The following PAGE2B variants were observed in gnomAD, a reference collection of about 807,000 sequenced individuals.
PAGE2B encodes the protein putative G antigen family E member 3.
A neutral mutation model predicts 7.6 loss-of-function variants in PAGE2B; 5 were observed. The ratio of observed to expected loss-of-function variants is 0.66; its 90% CI spans 0.34 to 1.38. The LOEUF is 1.38. Ranked by LOEUF, PAGE2B falls within the 40% of genes most tolerant of loss-of-function variation. The pLI is 0.04. For missense variants in PAGE2B, 70 were observed against 78.4 expected, an observed-to-expected ratio of 0.89 and a Z score of 0.41; for synonymous variants, 29 against 26.7, an observed-to-expected ratio of 1.09 and a Z score of -0.27.
the PAGE2B span, among the ~76,000 whole-genome samples, chrX:55,063,897 G>T: frequency 1.1e-4 from 12 of 110,657 alleles, no homozygotes; most frequent in African/African-American, 3.3e-4. Context: ...GCATCCCTGG[G>T]TTAAATCCCA....
the PAGE2B span, among the ~76,000 whole-genome samples, chrX:55,065,172 T>G: frequency 8.9e-6 from 1 of 111,749 alleles, no homozygotes; most frequent in African/African-American, 3.2e-5. Context: ...TATTATTGTA[T>G]TGTGGTCTAT....
the PAGE2B span, among the ~76,000 whole-genome samples, chrX:55,049,810 A>G: frequency 9.0e-6 from 1 of 110,968 alleles, no homozygotes; most frequent in Non-Finnish European, 1.9e-5. Context: ...TATCTCCTTC[A>G]GTTCTGCTCT....
At chrX:55,075,871 C>G (rs1242131231) in intron 1 of PAGE2B, among the ~76,000 whole-genome samples, 163 bp from the exon 2 acceptor site, 1 of 111,490 alleles carries the variant, frequency 9.0e-6, no homozygotes, top group East Asian at 2.8e-4. Flanking sequence ...CAAATCTGTC[C>G]TTAGTTTGAT....
the PAGE2B span, among the ~76,000 whole-genome samples, chrX:55,069,836 G>A: frequency 2.7e-5 from 3 of 111,915 alleles, no homozygotes; most frequent in South Asian, 7.4e-4. Flanking sequence ...GCGTAGAGGT[G>A]TTTATAGTAT....
chrX:55,072,867 A>AG (rs1440791991), upstream of PAGE2B, among the ~76,000 whole-genome samples: 7 of 111,861 alleles, frequency 6.3e-5, no homozygotes, highest in Non-Finnish European at 1.3e-4. Flanking sequence ...TAACACTGTC[A>AG]GGGGAAAACC....
chrX:55,066,086 C>T, the PAGE2B span, among the ~76,000 whole-genome samples: 7,729 of 110,752 alleles, frequency 0.07, 621 homozygotes, highest in African/African-American at 0.23. Flanking sequence ...CTTTCTTTCT[C>T]TTCTTTTTTC....
chrX:55,051,401 T>A, the PAGE2B span, among the ~76,000 whole-genome samples: 9 of 111,940 alleles, frequency 8.0e-5, no homozygotes, highest in Non-Finnish European at 1.5e-4. Context: ...TCCTGCAGAG[T>A]GTTTTCCAAG....
At chrX:55,055,412 T>A in the PAGE2B span, 1 of 110,589 alleles carries the variant, frequency 9.0e-6, no homozygotes, top group African/African-American at 3.3e-5. Flanking sequence ...ACATTTAATT[T>A]TCTTATGATT....
chrX:55,071,769 A>G (rs774455534), upstream of PAGE2B, among the ~76,000 whole-genome samples: 2 of 110,356 alleles, frequency 1.8e-5, no homozygotes, highest in East Asian at 5.7e-4. Context: ...TTTTTCTCTA[A>G]CCTTGTTTTC....
upstream of PAGE2B, among the ~76,000 whole-genome samples, chrX:55,073,493 T>C (rs1936470002): frequency 1.8e-5 from 2 of 111,505 alleles, no homozygotes; most frequent in South Asian, 7.6e-4. Flanking sequence ...CCAAAGCTTT[T>C]CCTATTACGC....
At chrX:55,033,403 C>T in the PAGE2B span, among the ~76,000 whole-genome samples, 1 of 110,838 alleles carries the variant, frequency 9.0e-6, no homozygotes, top group Non-Finnish European at 1.9e-5. Context: ...GTGGTTGTGC[C>T]TGATATCTCC....
the PAGE2B span, among the ~76,000 whole-genome samples, chrX:55,045,273 C>T: frequency 9.0e-6 from 1 of 111,513 alleles, no homozygotes; most frequent in Non-Finnish European, 1.9e-5. Context: ...CAGTTCTTCT[C>T]GTGGATATTA....
chrX:55,077,422 C>G lies in PAGE2B; in HGVS notation c.217C>G (p.Gln73Glu), dbSNP rs766178237. 1 of 1,211,117 alleles carries G rather than the reference C, an allele frequency of 8.3e-7. No homozygotes were observed. The highest frequency in any genetic ancestry group is 1.1e-6 in the Non-Finnish European group (1 of 895,345). ...AGGGCCTGACATGGAAGCTTTTCAACAGGAACTGGCTCTGCTTAAGATAGA... is the reference window on the plus strand; with the variant it reads ...AGGGCCTGACATGGAAGCTTTTCAAGAGGAACTGGCTCTGCTTAAGATAGA... ...VQGPDMEAFQ[Q>E]ELALLKIEDE... is the part of the protein sequence containing the mutation. Residue 73 changes from glutamine (Q) to glutamate (E), a missense_variant, in exon 4 of 5, where the codon CAG (glutamine) becomes GAG (glutamate). Gln to Glu is a conservative substitution (Grantham distance 29). Coordinates refer to ENST00000374971, the MANE Select transcript of PAGE2B (RefSeq NM_001015038.3).
chrX:55,060,911 T>A, the PAGE2B span, among the ~76,000 whole-genome samples: 3 of 111,188 alleles, frequency 2.7e-5, no homozygotes, highest in Non-Finnish European at 5.7e-5. Flanking sequence ...TAGAAATATA[T>A]CACTACTGTT....
At chrX:55,074,933 G>T (rs1936487041), upstream of PAGE2B, 1 of 113,072 alleles carries the variant, frequency 8.8e-6, no homozygotes, top group Non-Finnish European at 1.9e-5. Flanking sequence ...GTCCCAGTCA[G>T]TGTGCATGCT....
chrX:55,041,994 C>T, the PAGE2B span, among the ~76,000 whole-genome samples: 2 of 111,661 alleles, frequency 1.8e-5, no homozygotes, highest in Non-Finnish European at 3.8e-5. Context: ...AGAACTGGAA[C>T]AAGACAAGGA....
chrX:55,061,303 A>G, the PAGE2B span, among the ~76,000 whole-genome samples: 1 of 111,183 alleles, frequency 9.0e-6, no homozygotes, highest in Non-Finnish European at 1.9e-5. Flanking sequence ...TGGGTAAGTT[A>G]TGCGTCGTAG....
chrX:55,064,524 A>T, the PAGE2B span, among the ~76,000 whole-genome samples: 2 of 109,332 alleles, frequency 1.8e-5, no homozygotes, highest in Non-Finnish European at 3.8e-5. Flanking sequence ...TCTTTTGTAT[A>T]TTTTCTTCAT....
chrX:55,059,611 A>G, the PAGE2B span, among the ~76,000 whole-genome samples: 1 of 111,913 alleles, frequency 8.9e-6, no homozygotes, highest in African/African-American at 3.2e-5. Flanking sequence ...TATAATATCT[A>G]TTGCAGTAAG....
Sources: gnomAD v4.1 joint callset for allele counts (sites outside exome capture counted in the v4.1 genomes callset) on GRCh38, gnomAD v4.1.1 for gene constraint, MANE v1.5 for transcripts, NCBI Gene and HGNC (gene_info 2026-07-23, HGNC 2026-07-21) for gene names.